The following CDK17 variants were observed in gnomAD, a reference collection of about 807,000 sequenced individuals.
CDK17 encodes the protein cyclin dependent kinase 17, also known as cyclin-dependent kinase 17.
Under a neutral mutation model 77.6 loss-of-function variants are expected in CDK17, and 24 were observed. That is an observed-to-expected ratio of 0.31 (90% confidence interval 0.22 to 0.44). The LOEUF is 0.44. Among genes scored for constraint, CDK17 ranks in the 20% least tolerant of loss-of-function variants. The pLI is 1.00. For missense variants in CDK17, 429 were observed against 622.5 expected (o/e 0.69, Z 3.31); for synonymous variants, 203 against 210.4 (o/e 0.96, Z 0.30).
chr12:96,317,876 A>C (rs1221103184), intron 3 of CDK17, among the ~76,000 whole-genome samples: 13 of 149,340 alleles, frequency 8.7e-5, no homozygotes, highest in Non-Finnish European at 1.9e-4. Context: ...GAGACTAGGA[A>C]GAAACTGCAT....
chr12:96,379,709 C>T (rs1261694446), intron 1 of CDK17, among the ~76,000 whole-genome samples: 1 of 152,136 alleles, frequency 6.6e-6, no homozygotes, highest in Non-Finnish European at 1.5e-5. Flanking sequence ...GGAATTACAG[C>T]CATCAGCCAC....
intron 1 of CDK17, among the ~76,000 whole-genome samples, chr12:96,372,908 C>A (rs963348689): frequency 6.6e-6 from 1 of 152,080 alleles, no homozygotes; most frequent in Admixed American, 6.6e-5. Context: ...TTCTGACAAA[C>A]AGAATATTGT....
rs1013543525 is a variant in CDK17, at chr12:96,315,930, A to T, written c.284-2476T>A. On this transcript the variant is annotated intron_variant, in intron 3 of 16. Coordinates refer to ENST00000261211, the MANE Select transcript of CDK17 (RefSeq NM_002595.5). ...CTTTTGAGACTTACAGGGTACATTT[A>T]AAAAAAAAATCAGAGGGAGGAGCCA... Among the ~76,000 whole-genome samples, 7 of 150,356 alleles carry T rather than the reference A, an allele frequency of 4.7e-5. No homozygotes were observed. In the East Asian group the frequency reaches 9.7e-4, roughly 21 times the overall value.
rs34417608 is a variant in CDK17, at chr12:96,349,535, C to CAA, written c.-29-14672_-29-14671dup. 7.9e-4 allele frequency among the ~76,000 whole-genome samples: 84 copies of CAA among 106,062 alleles called. 1 individual carries two copies. In the South Asian group the frequency reaches 0.013, roughly 16 times the overall value. The allele number at this position is 106,062 out of a possible 152,430, so 69.6% of individuals were successfully genotyped here. A position where few individuals can be genotyped will look rare whatever the true frequency, so the allele number is the denominator to read the frequency against. ...CACATGAACTTCTCAATTGATTTAG[C>CAA]AAAAAAAAAAAAAAAAAGGATTTTA... is the stretch of plus-strand genomic sequence containing the variant. On this transcript the variant is annotated intron_variant, in intron 1 of 16. Coordinates refer to ENST00000261211, the MANE Select transcript of CDK17 (RefSeq NM_002595.5).
At chr12:96,326,366 T>C (rs957015535) in intron 2 of CDK17, among the ~76,000 whole-genome samples, 9 of 152,162 alleles carry the variant, frequency 5.9e-5, no homozygotes, top group African/African-American at 2.2e-4. Flanking sequence ...TGCAAAAGAC[T>C]AAAATAGAGG....
At chr12:96,310,804 TG>T (rs1427613096) in intron 5 of CDK17, among the ~76,000 whole-genome samples, 1 of 150,662 alleles carries the variant, frequency 6.6e-6, no homozygotes, top group Non-Finnish European at 1.5e-5. Context: ...CTACCTAGCA[TG>T]TATTAATAAC....
chr12:96,313,020 A>G (rs1467223086), intron 4 of CDK17, among the ~76,000 whole-genome samples: 1 of 152,222 alleles, frequency 6.6e-6, no homozygotes, highest in Non-Finnish European at 1.5e-5. Context: ...GTATTTCCAG[A>G]ATTTTTGAAA....
chr12:96,311,842 C>T (rs530595278), intron 4 of CDK17, among the ~76,000 whole-genome samples: 1 of 151,916 alleles, frequency 6.6e-6, no homozygotes, highest in South Asian at 2.1e-4. Context: ...AGATACTGGT[C>T]CTCCCTATAT....
intron 11 of CDK17, among the ~76,000 whole-genome samples, chr12:96,288,086 A>G (rs1952269559): frequency 6.6e-6 from 1 of 152,172 alleles, no homozygotes; most frequent in African/African-American, 2.4e-5. Context: ...GATGAAAAAG[A>G]TTCTGGAGGT....
chr12:96,368,806 C>T (rs917919625), intron 1 of CDK17, among the ~76,000 whole-genome samples: 1 of 67,504 alleles, frequency 1.5e-5, no homozygotes, highest in Admixed American at 1.6e-4. Context: ...TACTCTAAGA[C>T]GGGGGGGGGG....
intron 2 of CDK17, among the ~76,000 whole-genome samples, chr12:96,324,781 A>G (rs1203126743): frequency 6.6e-6 from 1 of 152,102 alleles, no homozygotes; most frequent in Non-Finnish European, 1.5e-5. Flanking sequence ...AGAAAAAAAA[A>G]AAGAAATTAA....
At position 96,297,587 on chromosome 12, in the gene CDK17, TA is replaced by T. The variant is rs747151337; in HGVS notation, c.810+39del. ...AAAAGTCCAATTTACTATGTTTTTCTAAAGTAAAGTTAAATACTGAATTTTT... is the reference window on the plus strand; with the variant it reads ...AAAAGTCCAATTTACTATGTTTTTCTAAGTAAAGTTAAATACTGAATTTTT... On this transcript the variant is annotated intron_variant, in intron 8 of 16. Coordinates refer to ENST00000261211, the MANE Select transcript of CDK17 (RefSeq NM_002595.5). 2.3e-6 allele frequency: 3 copies of T among 1,279,346 alleles called. No homozygotes were observed. The African/African-American group carries it at 4.5e-5, about 19-fold the overall frequency. 79.2% of individuals were successfully genotyped at this position (1,279,346 alleles called of 1,614,324 possible). A position where few individuals can be genotyped will look rare whatever the true frequency, so the allele number is the denominator to read the frequency against.
chr12:96,337,950 A>G (rs1321677262), intron 1 of CDK17, among the ~76,000 whole-genome samples: 3 of 152,228 alleles, frequency 2.0e-5, no homozygotes, highest in African/African-American at 4.8e-5. Flanking sequence ...ATCCTGCCTG[A>G]TAAGAGTGTC....
rs1953267175 is a variant in CDK17, at chr12:96,348,708, T to C, written c.-29-13843A>G. 2.6e-5 allele frequency among the ~76,000 whole-genome samples: 4 copies of C among 152,128 alleles called. No individual in the cohort carries two copies. The South Asian group carries it at 8.3e-4, about 32-fold the overall frequency. On this transcript the variant is annotated intron_variant, in intron 1 of 16. Transcript: ENST00000261211. The stretch of plus-strand genomic sequence containing the variant: ...CTATGAACAATTATATGCTAACAAA[T>C]TGGATAGCTTAATGAAATAGACAAA...
intron 5 of CDK17, among the ~76,000 whole-genome samples, chr12:96,306,295 G>C (rs1011903797): frequency 6.6e-6 from 1 of 152,072 alleles, no homozygotes; most frequent in East Asian, 1.9e-4. Flanking sequence ...GGCCAGGAGA[G>C]GTAGCTTACA....
intron 1 of CDK17, among the ~76,000 whole-genome samples, chr12:96,345,412 C>T (rs1415157631): frequency 2.0e-5 from 3 of 152,194 alleles, no homozygotes; most frequent in Admixed American, 6.5e-5. Flanking sequence ...CACTGTCTTC[C>T]ACAATGGTTG....
intron 3 of CDK17, among the ~76,000 whole-genome samples, chr12:96,317,650 T>C (rs905804422): frequency 7.8e-6 from 1 of 127,704 alleles, no homozygotes; most frequent in African/African-American, 2.8e-5. Flanking sequence ...TATTCAACAT[T>C]CTTAAAGAAA....
At chr12:96,323,069 A>T (rs1371667) in intron 3 of CDK17, among the ~76,000 whole-genome samples, 137,283 of 152,196 alleles carry the variant, frequency 0.9, 61,894 homozygotes, top group East Asian at 0.95. Context: ...ATAAAACCCC[A>T]AGGAGCTTCA....
At chr12:96,375,755 C>T (rs376742765) in intron 1 of CDK17, among the ~76,000 whole-genome samples, 9 of 151,748 alleles carry the variant, frequency 5.9e-5, no homozygotes, top group Admixed American at 2.6e-4. Context: ...GATGTTGGCC[C>T]GGCTGGTCTC....
Sources: allele counts gnomAD v4.1 joint callset (sites outside exome capture counted in the v4.1 genomes callset), GRCh38; gene constraint gnomAD v4.1.1; transcripts MANE v1.5; gene names NCBI Gene and HGNC (gene_info 2026-07-23, HGNC 2026-07-21).